Variants in COL19A1 observed in about 807,000 individuals in gnomAD.
The protein encoded by COL19A1 is collagen alpha-1(XIX) chain.
Under a neutral mutation model 190.2 loss-of-function variants are expected in COL19A1, and 159 were observed. That is an observed-to-expected ratio of 0.84 (90% CI 0.73 to 0.95). COL19A1 has a LOEUF of 0.95. COL19A1 is among the 40% of genes least tolerant of loss of function. The pLI, the probability that COL19A1 is intolerant of heterozygous loss-of-function variation, is 0.00. For synonymous variants in COL19A1, 509 were observed against 458.9 expected, an observed-to-expected ratio of 1.11 and a Z score of -1.39; for missense variants, 1,418 against 1,431.9, an observed-to-expected ratio of 0.99 and a Z score of 0.16.
At chr6:70,115,637 C>T (rs1784516683) in intron 16 of COL19A1, among the ~76,000 whole-genome samples, 1 of 152,086 alleles carries the variant, frequency 6.6e-6, no homozygotes, top group African/African-American at 2.4e-5. Context: ...TTAAATTTCA[C>T]CTATATGTGG....
chr6:69,920,931 T>G (rs986469544), intron 4 of COL19A1, among the ~76,000 whole-genome samples: 1 of 61,166 alleles, frequency 1.6e-5, no homozygotes, highest in Non-Finnish European at 3.6e-5. Context: ...CATATGTATA[T>G]TCATATGTAT....
At chr6:70,093,539 C>T (rs111912227) in intron 15 of COL19A1, among the ~76,000 whole-genome samples, 1 of 151,538 alleles carries the variant, frequency 6.6e-6, no homozygotes. Context: ...GGTAGAGAGA[C>T]GTGAGGGCAA....
chr6:69,911,269 G>GA (rs796169373), intron 4 of COL19A1, among the ~76,000 whole-genome samples: 11 of 152,250 alleles, frequency 7.2e-5, no homozygotes, highest in African/African-American at 2.6e-4. Context: ...ATGCTAATTA[G>GA]AAAATAAACA....
chr6:70,076,388 A>T (rs1205195144), intron 15 of COL19A1, among the ~76,000 whole-genome samples: 1 of 152,244 alleles, frequency 6.6e-6, no homozygotes, highest in African/African-American at 2.4e-5. Context: ...ACTAACTTTT[A>T]AAAAAGTTAC....
At chr6:70,195,136 G>T (rs887004432) in intron 48 of COL19A1, among the ~76,000 whole-genome samples, 27 of 136,020 alleles carry the variant, frequency 2.0e-4, no homozygotes, top group South Asian at 9.6e-4. Context: ...CATCATTGAT[G>T]ATATATATAT....
chr6:69,922,835 T>C (rs1201606930), intron 4 of COL19A1, among the ~76,000 whole-genome samples: 1 of 152,118 alleles, frequency 6.6e-6, no homozygotes, highest in Non-Finnish European at 1.5e-5. Context: ...ATTCAGTACA[T>C]CTCTGTCTTT....
intron 9 of COL19A1, among the ~76,000 whole-genome samples, chr6:69,949,238 G>A (rs1773988027): frequency 6.6e-6 from 1 of 151,792 alleles, no homozygotes; most frequent in Non-Finnish European, 1.5e-5. Flanking sequence ...GTACTTAGTG[G>A]TTAATATCCT....
chr6:69,949,366 A>T (rs925157274), intron 9 of COL19A1, among the ~76,000 whole-genome samples: 5 of 151,756 alleles, frequency 3.3e-5, no homozygotes, highest in Non-Finnish European at 2.9e-5. Flanking sequence ...AAGGGGTGTG[A>T]CACTCTTGAG....
chr6:69,936,708 T>C, intron 7 of COL19A1, 77 bp from the exon 8 acceptor site: 1 of 1,559,802 alleles, frequency 6.4e-7, no homozygotes, highest in Non-Finnish European at 8.7e-7. Context: ...AATCCCTAGT[T>C]TAGTGGGAGC....
chr6:69,938,611 C>T (rs1773263645), intron 9 of COL19A1, among the ~76,000 whole-genome samples: 1 of 152,032 alleles, frequency 6.6e-6, no homozygotes, highest in Non-Finnish European at 1.5e-5. Context: ...AATGATTTTA[C>T]ATCTAGAAAG....
rs183818035 is a variant in COL19A1, at chr6:69,950,617, A to G, written c.937-9379A>G. ...CTGTCAATCAAAATAAGTAAACTGGATGGTTCCATTTCCAAGAGAAGTGAA... is the reference window on the plus strand; with the variant it reads ...CTGTCAATCAAAATAAGTAAACTGGGTGGTTCCATTTCCAAGAGAAGTGAA... On this transcript the variant is annotated intron_variant, in intron 9 of 50. Coordinates refer to ENST00000620364, the MANE Select transcript of COL19A1 (RefSeq NM_001858.6). 1.0e-3 allele frequency among the ~76,000 whole-genome samples: 155 copies of G among 150,188 alleles called. 2 individuals are homozygous for G. The highest frequency in any genetic ancestry group is 1.7e-3 in the Admixed American group (26 of 14,944).
chr6:69,975,867 T>C (rs1775685864), intron 11 of COL19A1, among the ~76,000 whole-genome samples: 1 of 152,206 alleles, frequency 6.6e-6, no homozygotes, highest in South Asian at 2.1e-4. Flanking sequence ...TTTATTTAAC[T>C]ACCTATTATT....
chr6:70,137,486 C>T (rs976827820), intron 18 of COL19A1, among the ~76,000 whole-genome samples, 199 bp from the exon 19 acceptor site: 2 of 152,100 alleles, frequency 1.3e-5, no homozygotes, highest in East Asian at 3.9e-4. Context: ...TTCTAAAAGA[C>T]ATAAAGCCAT....
At chr6:69,896,660 C>G (rs961548457) in intron 2 of COL19A1, among the ~76,000 whole-genome samples, 3 of 151,216 alleles carry the variant, frequency 2.0e-5, no homozygotes, top group Non-Finnish European at 4.4e-5. Flanking sequence ...CTCATCAACA[C>G]TTGGCATCTT....
chr6:70,049,160 A>T (rs549176369), intron 14 of COL19A1, among the ~76,000 whole-genome samples: 1 of 152,092 alleles, frequency 6.6e-6, no homozygotes, highest in Admixed American at 6.6e-5. Flanking sequence ...AATTTGAATC[A>T]ACACTATTAG....
intron 33 of COL19A1, 83 bp downstream of exon 33, chr6:70,156,452 T>A: frequency 8.1e-7 from 1 of 1,230,574 alleles, no homozygotes; most frequent in Non-Finnish European, 1.2e-6. Context: ...AATAGACAAC[T>A]TTTAAAATAC....
intron 15 of COL19A1, among the ~76,000 whole-genome samples, chr6:70,073,777 C>T (rs974125994): frequency 6.6e-6 from 1 of 152,118 alleles, no homozygotes; most frequent in Non-Finnish European, 1.5e-5. Flanking sequence ...AGATTGGTGT[C>T]ATCACTGTGG....
intron 11 of COL19A1, among the ~76,000 whole-genome samples, chr6:69,976,774 T>C (rs1775735635): frequency 6.6e-6 from 1 of 151,268 alleles, no homozygotes; most frequent in South Asian, 2.1e-4. Context: ...AAAAGGACTT[T>C]TAAAAAATTC....
intron 2 of COL19A1, among the ~76,000 whole-genome samples, chr6:69,882,864 T>C (rs1768657880): frequency 6.6e-6 from 1 of 152,182 alleles, no homozygotes; most frequent in African/African-American, 2.4e-5. Context: ...CAGAGTAAAA[T>C]GTATGCTGTT....
Sources: allele counts gnomAD v4.1 joint callset (sites outside exome capture counted in the v4.1 genomes callset), GRCh38; gene constraint gnomAD v4.1.1; transcripts MANE v1.5; gene names NCBI Gene and HGNC (gene_info 2026-07-23, HGNC 2026-07-21).